Variants in RANBP17 observed in about 807,000 individuals in gnomAD.
RANBP17 encodes the protein RAN binding protein 17.
In RANBP17, 158 loss-of-function variants were observed where a neutral mutation model predicts 141.2. The observed-to-expected ratio is 1.12, with a 90% CI of 0.98 to 1.28. RANBP17 has a LOEUF of 1.28. Ranked by LOEUF, RANBP17 falls within the 50% of genes most tolerant of loss-of-function variation. The pLI is 0.00. For synonymous variants in RANBP17, 430 were observed against 450.0 expected (o/e 0.96, Z 0.56); for missense variants, 1,438 against 1,290.7 (o/e 1.11, Z -1.75).
At chr5:170,863,371 C>T (rs368982205) in intron 1 of RANBP17, 21 of 152,194 alleles carry the variant, frequency 1.4e-4, no homozygotes, top group African/African-American at 4.8e-4. Flanking sequence ...CTTGTAGACT[C>T]TTTTGAACCC....
chr5:170,883,613 C>T (rs544913281), intron 3 of RANBP17, among the ~76,000 whole-genome samples: 9 of 152,128 alleles, frequency 5.9e-5, no homozygotes, highest in African/African-American at 9.7e-5. Context: ...ATCCCACCCT[C>T]CCCCAACCCT....
chr5:171,295,820 T>C, intron 26 of RANBP17, 67 bp from the exon 27 acceptor site: 1 of 1,560,800 alleles, frequency 6.4e-7, no homozygotes, highest in South Asian at 1.2e-5. Flanking sequence ...GCTCTATCCA[T>C]CCCCTGCCAG....
intron 12 of RANBP17, among the ~76,000 whole-genome samples, chr5:170,935,828 A>T (rs1253532424): frequency 6.6e-6 from 1 of 152,168 alleles, no homozygotes; most frequent in Non-Finnish European, 1.5e-5. Flanking sequence ...AAGCTGTCAG[A>T]CAGGGACGTT....
intron 21 of RANBP17, among the ~76,000 whole-genome samples, chr5:171,214,834 A>G (rs1242864035): frequency 6.6e-6 from 1 of 152,148 alleles, no homozygotes; most frequent in African/African-American, 2.4e-5. Context: ...ACTAAAGGGA[A>G]AAAATCATTG....
intron 14 of RANBP17, among the ~76,000 whole-genome samples, chr5:171,013,506 C>G (rs955185792): frequency 6.6e-6 from 1 of 152,118 alleles, no homozygotes; most frequent in Non-Finnish European, 1.5e-5. Flanking sequence ...TGTTGCAGCA[C>G]TATTAGTTGA....
chr5:171,105,041 A>T (rs920801446), intron 14 of RANBP17, among the ~76,000 whole-genome samples: 1 of 152,152 alleles, frequency 6.6e-6, no homozygotes, highest in African/African-American at 2.4e-5. Flanking sequence ...TGTTGTGAGT[A>T]CCTTTAAATT....
At chr5:171,129,068 C>T (rs779612203) in intron 14 of RANBP17, among the ~76,000 whole-genome samples, 1 of 152,158 alleles carries the variant, frequency 6.6e-6, no homozygotes, top group Non-Finnish European at 1.5e-5. Flanking sequence ...TATCCTGTCT[C>T]TCTCCCCAAC....
chr5:171,207,144 T>C, intron 20 of RANBP17: 1 of 161,198 alleles, frequency 6.2e-6, no homozygotes, highest in East Asian at 1.5e-4. Flanking sequence ...TTGACTCTTT[T>C]ATTTCTCTAA....
At chr5:171,240,491 T>C (rs762640982) in intron 22 of RANBP17, among the ~76,000 whole-genome samples, 12 of 152,194 alleles carry the variant, frequency 7.9e-5, no homozygotes, top group Non-Finnish European at 1.6e-4. Flanking sequence ...CAAATTCATA[T>C]AAAAGGTCAA....
chr5:170,889,531 T>C (rs1255642512), intron 3 of RANBP17, among the ~76,000 whole-genome samples: 1 of 152,136 alleles, frequency 6.6e-6, no homozygotes, highest in Non-Finnish European at 1.5e-5. Context: ...TTGACCTTCA[T>C]ATTTTTGGCC....
chr5:171,028,901 TG>T, intron 14 of RANBP17: 1 of 1,288,690 alleles, frequency 7.8e-7, no homozygotes, highest in Non-Finnish European at 1.0e-6. Flanking sequence ...GAAGGGCTTG[TG>T]GCAAACCTAT....
At chr5:171,205,495 C>A (rs1762525352) in intron 19 of RANBP17, 29 bp from the exon 20 acceptor site, 3 of 1,589,590 alleles carry the variant, frequency 1.9e-6, no homozygotes, top group South Asian at 1.1e-5. Flanking sequence ...ACGTGAAAAT[C>A]AATTACTGTG....
At chr5:171,061,915 G>A (rs1484176943) in intron 14 of RANBP17, among the ~76,000 whole-genome samples, 1 of 152,034 alleles carries the variant, frequency 6.6e-6, no homozygotes, top group Non-Finnish European at 1.5e-5. Context: ...ATTATGTAAT[G>A]GCCTTCTTTG....
intron 14 of RANBP17, among the ~76,000 whole-genome samples, chr5:170,977,967 G>A (rs1777501734): frequency 6.6e-6 from 1 of 152,046 alleles, no homozygotes; most frequent in African/African-American, 2.4e-5. Flanking sequence ...TGCACGTTAA[G>A]TGTGTGAATT....
At chr5:170,879,919 T>C (rs1054435969) in intron 2 of RANBP17, among the ~76,000 whole-genome samples, 1 of 152,180 alleles carries the variant, frequency 6.6e-6, no homozygotes, top group African/African-American at 2.4e-5. Context: ...CACTACTGAT[T>C]TATTAACTTA....
chr5:171,184,552 G>A (rs1561741911), intron 18 of RANBP17, among the ~76,000 whole-genome samples: 1 of 152,180 alleles, frequency 6.6e-6, no homozygotes, highest in South Asian at 2.1e-4. Context: ...GTACGTAGAT[G>A]GTGACTATAG....
chr5:171,241,764 C>G (rs1207320541), intron 23 of RANBP17, among the ~76,000 whole-genome samples: 1 of 152,036 alleles, frequency 6.6e-6, no homozygotes, highest in Non-Finnish European at 1.5e-5. Flanking sequence ...TTTTTTTATT[C>G]TAATAGTCAA....
intron 3 of RANBP17, among the ~76,000 whole-genome samples, chr5:170,890,206 A>G (rs1399933922): frequency 1.3e-5 from 2 of 152,210 alleles, no homozygotes; most frequent in Admixed American, 6.5e-5. Context: ...GAACATTTTC[A>G]GGATATTAAA....
chr5:170,984,300 C>A (rs1244199085), intron 14 of RANBP17, among the ~76,000 whole-genome samples: 1 of 152,010 alleles, frequency 6.6e-6, no homozygotes, highest in Admixed American at 6.6e-5. Context: ...TTAAAGTACT[C>A]CAGAATGTTC....
Sources: gnomAD v4.1 joint callset for allele counts (sites outside exome capture counted in the v4.1 genomes callset) on GRCh38, gnomAD v4.1.1 for gene constraint, MANE v1.5 for transcripts, NCBI Gene and HGNC (gene_info 2026-07-23, HGNC 2026-07-21) for gene names.